CD163L1: variants seen among roughly 807,000 people sequenced by gnomAD.
The protein encoded by CD163L1 is CD163 molecule like 1.
In CD163L1, 124 loss-of-function variants were observed where a neutral mutation model predicts 165.4. The ratio of observed to expected loss-of-function variants is 0.75; its 90% CI spans 0.65 to 0.87. The LOEUF (loss-of-function observed/expected upper bound fraction) is 0.87. Ranked by LOEUF, CD163L1 falls within the 40% of genes least tolerant of loss-of-function variation. The pLI is 0.00. For synonymous variants in CD163L1, 585 were observed against 662.2 expected (o/e 0.88, Z 1.79); for missense variants, 1,525 against 1,799.9 (o/e 0.85, Z 2.76).
chr12:7,379,385 C>A (rs1591899950), intron 8 of CD163L1, 87 bp from the exon 9 acceptor site: 2 of 1,337,770 alleles, frequency 1.5e-6, no homozygotes, highest in Non-Finnish European at 1.0e-6. Flanking sequence ...CTAACATAGA[C>A]CAGTGGCCAA....
At chr12:7,324,520 A>G in the CD163L1 span, 2 of 1,613,968 alleles carry the variant, frequency 1.2e-6, no homozygotes, top group Non-Finnish European at 1.7e-6. Flanking sequence ...GGCCATTTGA[A>G]GTGGAGAGTG....
rs1221337655 is a variant in CD163L1 at position 7,375,839 on chromosome 12, G to C, written c.2547C>G (p.His849Gln). Residue 849 changes from histidine to glutamine, a missense_variant, in exon 10 of 20, where the codon CAC becomes CAG. Physicochemically the swap from His to Gln is conservative, Grantham distance 24. Coordinates refer to ENST00000313599, the MANE Select transcript of CD163L1 (RefSeq NM_174941.6). The stretch of plus-strand genomic sequence containing the variant: ...AAGTTAGACCATTCCCTTTTCCAAA[G>C]TGATCTCCCACAGAAAGAGATATGG... ...GDAISLSVGD[H>Q]FGKGNGLTWA... The C allele has an allele frequency of 6.2e-7, 1 of 1,614,078 alleles. No homozygotes were observed. The highest frequency in any genetic ancestry group is 1.3e-5 in the African/African-American group (1 of 74,942).
At chr12:7,324,540 A>G in the CD163L1 span, 3 of 1,613,878 alleles carry the variant, frequency 1.9e-6, no homozygotes, top group African/African-American at 1.3e-5. Context: ...GCACTCATTG[A>G]GCATCCAGCA....
At chr12:7,440,034 AC>A in intron 2 of CD163L1, 2 of 1,303,942 alleles carry the variant, frequency 1.5e-6, no homozygotes, top group Non-Finnish European at 2.2e-6. Flanking sequence ...TGCGACACAC[AC>A]CCCAGCAGCT....
chr12:7,343,111 A>AAG (rs776014889), downstream of CD163L1, among the ~76,000 whole-genome samples: 25 of 150,898 alleles, frequency 1.7e-4, no homozygotes, highest in Non-Finnish European at 2.4e-4. Context: ...GAGGTGGAGG[A>AAG]AGAGAGAGAG....
At chr12:7,430,089 AC>A (rs1948604335) in intron 4 of CD163L1, among the ~76,000 whole-genome samples, 1 of 152,196 alleles carries the variant, frequency 6.6e-6, no homozygotes, top group South Asian at 2.1e-4. Flanking sequence ...ACTGCTTTTA[AC>A]ACCTCAGATT....
intron 4 of CD163L1, among the ~76,000 whole-genome samples, chr12:7,427,012 A>C (rs927022261): frequency 6.6e-6 from 1 of 152,166 alleles, no homozygotes; most frequent in Non-Finnish European, 1.5e-5. Flanking sequence ...ATATAACAAG[A>C]AAAAATATAT....
intron 18 of CD163L1, among the ~76,000 whole-genome samples, chr12:7,359,392 G>A (rs1447385866): frequency 6.6e-6 from 1 of 152,004 alleles, no homozygotes; most frequent in African/African-American, 2.4e-5. Flanking sequence ...GTCTATAGAG[G>A]AGCAAGGTAA....
At chr12:7,422,056 T>G (rs7965607) in intron 4 of CD163L1, among the ~76,000 whole-genome samples, 16,691 of 152,016 alleles carry the variant, frequency 0.11, 1,682 homozygotes, top group African/African-American at 0.26. Context: ...GCTGGCATCA[T>G]GCCGGTGCCC....
chr12:7,368,036 C>T lies in CD163L1; in HGVS notation c.4183+51G>A. 9.8e-7 allele frequency: 1 copy of T among 1,023,486 alleles called. No individual in the cohort carries two copies. The highest frequency in any genetic ancestry group is 1.5e-6 in the Non-Finnish European group (1 of 646,410). The allele number at this position is 1,023,486 out of a possible 1,614,324, so 63.4% of individuals were successfully genotyped here. A position where few individuals can be genotyped will look rare whatever the true frequency, so the allele number is the denominator to read the frequency against. On this transcript the variant is annotated intron_variant, in intron 17 of 19. Coordinates refer to ENST00000313599, the MANE Select transcript of CD163L1 (RefSeq NM_174941.6). This position sits in a 1 kb window ranked among gnomAD's most constrained non-coding sequence, Gnocchi z 4.3. ...CTGCAAGAATCCCCCATCCTGTGTG[C>T]CCTTGGTGGCAGGTAACTCACATTT...
chr12:7,361,225 G>C (rs1946884020), intron 18 of CD163L1, among the ~76,000 whole-genome samples: 1 of 152,054 alleles, frequency 6.6e-6, no homozygotes, highest in African/African-American at 2.4e-5. Context: ...GCAGCTAAAA[G>C]GTAAACCTGG....
At chr12:7,437,204 CT>C (rs569109418) in intron 2 of CD163L1, among the ~76,000 whole-genome samples, 3 of 38,020 alleles carry the variant, frequency 7.9e-5, no homozygotes, top group East Asian at 4.6e-4. Context: ...AATAGTATTA[CT>C]TTTTTATTTT....
chr12:7,442,770 A>G (rs1335903392), intron 1 of CD163L1, among the ~76,000 whole-genome samples: 1 of 152,182 alleles, frequency 6.6e-6, no homozygotes, highest in African/African-American at 2.4e-5. Context: ...TCATCTTCCT[A>G]AATCCTTCCA....
intron 18 of CD163L1, among the ~76,000 whole-genome samples, chr12:7,359,079 C>G (rs1350900446): frequency 6.6e-6 from 1 of 151,822 alleles, no homozygotes; most frequent in African/African-American, 2.4e-5. Context: ...AAAGACAGAA[C>G]AGAATATCCA....
intron 9 of CD163L1, among the ~76,000 whole-genome samples, chr12:7,377,517 C>CT (rs1417834036): frequency 6.6e-6 from 1 of 152,192 alleles, no homozygotes; most frequent in Non-Finnish European, 1.5e-5. Context: ...TAAAATACAG[C>CT]TTTTTGGAAA....
intron 5 of CD163L1, among the ~76,000 whole-genome samples, chr12:7,404,465 CTGTG>C (rs1430005919): frequency 6.6e-6 from 1 of 152,144 alleles, no homozygotes; most frequent in Non-Finnish European, 1.5e-5. Flanking sequence ...TTTGAAGAAA[CTGTG>C]TGTTTTTGCT....
At chr12:7,360,786 T>C (rs778431680) in intron 18 of CD163L1, among the ~76,000 whole-genome samples, 2 of 152,290 alleles carry the variant, frequency 1.3e-5, no homozygotes, top group South Asian at 4.1e-4. Context: ...TTAATGTAGA[T>C]TGGCAACTGC....
rs1380887259 is a variant in CD163L1 at position 7,372,125 on chromosome 12, C to T, written c.3730+1195G>A. 6.6e-6 allele frequency among the ~76,000 whole-genome samples: 1 copy of T among 152,006 alleles called. No homozygotes were observed. Among genetic ancestry groups the T allele is most frequent in the Admixed American group, 6.6e-5 (1 of 15,260 alleles). On this transcript the variant is annotated intron_variant, in intron 14 of 19. Coordinates refer to ENST00000313599, the MANE Select transcript of CD163L1 (RefSeq NM_174941.6). This position sits in a 1 kb window ranked among gnomAD's most constrained non-coding sequence, Gnocchi z 4.2. ...TCATAAATAATGTCCATATCCACTA[C>T]TAACCAAACCCATGCAAATTATGTT...
intron 4 of CD163L1, among the ~76,000 whole-genome samples, chr12:7,428,867 A>T (rs1948586720): frequency 2.0e-5 from 3 of 152,140 alleles, no homozygotes; most frequent in African/African-American, 7.2e-5. Flanking sequence ...GCTGGAAGAA[A>T]TAAATAAATT....
Sources: allele counts gnomAD v4.1 joint callset (sites outside exome capture counted in the v4.1 genomes callset), GRCh38; gene constraint gnomAD v4.1.1; non-coding constraint Gnocchi (gnomAD v3.1); transcripts MANE v1.5; gene names NCBI Gene and HGNC (gene_info 2026-07-23, HGNC 2026-07-21).